The following TARBP1 variants were observed in gnomAD, a reference collection of about 807,000 sequenced individuals.
The protein encoded by TARBP1 is tRNA guanosine 2 -O-methyltransferase TARBP1.
Under a neutral mutation model 178.6 loss-of-function variants are expected in TARBP1, and 144 were observed. The ratio of observed to expected loss-of-function variants is 0.81; its 90% CI spans 0.70 to 0.93. The LOEUF is 0.93. TARBP1 is among the 40% of genes least tolerant of loss of function. The pLI is 0.00. For missense variants in TARBP1, 2,067 were observed against 2,011.7 expected, an observed-to-expected ratio of 1.03 and a Z score of -0.53; for synonymous variants, 787 against 781.0, an observed-to-expected ratio of 1.01 and a Z score of -0.13.
At chr1:234,462,237 G>A (rs190390080) in intron 6 of TARBP1, among the ~76,000 whole-genome samples, 2 of 152,300 alleles carry the variant, frequency 1.3e-5, no homozygotes, top group East Asian at 3.9e-4. Context: ...CCTGGTCCTG[G>A]ATCACAAACA....
At chr1:234,458,650 T>C (rs945132983) in intron 8 of TARBP1, among the ~76,000 whole-genome samples, 1 of 152,200 alleles carries the variant, frequency 6.6e-6, no homozygotes, top group Admixed American at 6.5e-5. Flanking sequence ...GTAAGCAATA[T>C]TTACTGAGGC....
chr1:234,405,637 A>C (rs1209120044), intron 24 of TARBP1, among the ~76,000 whole-genome samples: 1 of 152,252 alleles, frequency 6.6e-6, no homozygotes, highest in East Asian at 1.9e-4. Context: ...GAAGAGAAAC[A>C]GGTACAAGTA....
At position 234,471,154 on chromosome 1, in the gene TARBP1, T is replaced by C. The variant is rs760293620; in HGVS notation, c.1099+34A>G. On this transcript the variant is annotated intron_variant, in intron 3 of 29. Transcript: ENST00000040877. ...TACAAAATCAGGGGAAAACCATAAA[T>C]GTTATTAAAAAATAAAATAAAAGTA... 8.8e-6 allele frequency: 13 copies of C among 1,481,128 alleles called. No homozygotes were observed. The East Asian group carries it at 2.8e-4, about 32-fold the overall frequency. 91.7% of individuals were successfully genotyped at this position (1,481,128 alleles called of 1,614,324 possible). A position where few individuals can be genotyped will look rare whatever the true frequency, so the allele number is the denominator to read the frequency against.
intron 20 of TARBP1, among the ~76,000 whole-genome samples, chr1:234,423,267 C>G (rs770352193): frequency 2.0e-5 from 3 of 152,152 alleles, no homozygotes; most frequent in Non-Finnish European, 2.9e-5. Flanking sequence ...GATAGCCATC[C>G]CAGTGGGTAC....
In TARBP1 at chr1:234,410,480, G is replaced by C. The variant is rs754163310; in HGVS notation, c.3757C>G (p.His1253Asp). 3.0e-5 allele frequency: 45 copies of C among 1,524,200 alleles called. No individual in the cohort carries two copies. The highest frequency in any genetic ancestry group is 4.0e-5 in the Non-Finnish European group (45 of 1,111,132). The allele number at this position is 1,524,200 out of a possible 1,614,324, so 94.4% of individuals were successfully genotyped here. A position where few individuals can be genotyped will look rare whatever the true frequency, so the allele number is the denominator to read the frequency against. ...SICTFLAVLS[H>D]LDIITQNIPE... Reference sequence around the variant, plus strand: ...ATATTTTGAGTAATAATGTCTAAATGTGATAAAACTGCTAAAAACGTACAA... The same window carrying C: ...ATATTTTGAGTAATAATGTCTAAATCTGATAAAACTGCTAAAAACGTACAA... The change falls in exon 23 of 30, where the codon CAT becomes GAT. Residue 1253 changes from histidine (H) to aspartate (D), a missense_variant. Physicochemically the swap from His to Asp is moderately conservative, Grantham distance 81. Coordinates refer to ENST00000040877, the MANE Select transcript of TARBP1 (RefSeq NM_005646.4).
chr1:234,398,600 A>G, intron 25 of TARBP1, 47 bp from the exon 26 acceptor site: 1 of 1,355,580 alleles, frequency 7.4e-7, no homozygotes. Context: ...TAAGAATAAC[A>G]AAGAAATATA....
At chr1:234,450,004 T>C (rs1572355497) in intron 10 of TARBP1, among the ~76,000 whole-genome samples, 1 of 152,216 alleles carries the variant, frequency 6.6e-6, no homozygotes, top group African/African-American at 2.4e-5. Flanking sequence ...TGTTTAAAAT[T>C]GTTTTTCATA....
chr1:234,470,684 T>C (rs905193476), intron 3 of TARBP1, among the ~76,000 whole-genome samples: 2 of 150,978 alleles, frequency 1.3e-5, no homozygotes, highest in Non-Finnish European at 2.9e-5. Context: ...AGTGTGATCT[T>C]GGCTCACTGC....
intron 6 of TARBP1, among the ~76,000 whole-genome samples, chr1:234,463,264 C>T (rs1217118581): frequency 6.6e-6 from 1 of 152,108 alleles, no homozygotes; most frequent in African/African-American, 2.4e-5. Flanking sequence ...GCTGGGACTA[C>T]AGGTACACAC....
intron 11 of TARBP1, among the ~76,000 whole-genome samples, chr1:234,448,007 G>A (rs1303396721): frequency 2.0e-5 from 3 of 152,056 alleles, no homozygotes; most frequent in African/African-American, 2.4e-5. Flanking sequence ...TGGTGCAATC[G>A]TGGCTCACTG....
intron 23 of TARBP1, chr1:234,406,886 A>G (rs1049444115): frequency 2.0e-5 from 3 of 152,214 alleles, no homozygotes; most frequent in Admixed American, 6.5e-5. Context: ...TAAGGCTCAC[A>G]TGGAAATGCT....
intron 16 of TARBP1, 40 bp from the exon 17 acceptor site, chr1:234,429,364 T>G (rs1664145894): frequency 6.4e-7 from 1 of 1,567,882 alleles, no homozygotes; most frequent in Admixed American, 2.1e-5. Context: ...TTTCAAAAAC[T>G]TGATCGCCAC....
intron 13 of TARBP1, among the ~76,000 whole-genome samples, chr1:234,435,637 T>C (rs1457066588): frequency 6.6e-6 from 1 of 152,182 alleles, no homozygotes; most frequent in African/African-American, 2.4e-5. Flanking sequence ...CCAATTTCCT[T>C]ACTCTCTTGT....
intron 20 of TARBP1, among the ~76,000 whole-genome samples, chr1:234,424,621 T>G (rs1348726944): frequency 6.6e-6 from 1 of 152,188 alleles, no homozygotes; most frequent in Admixed American, 6.6e-5. Context: ...AATATATGAA[T>G]ATAGTACTCT....
chr1:234,396,896 G>A (rs1179171657), intron 26 of TARBP1, among the ~76,000 whole-genome samples: 1 of 152,030 alleles, frequency 6.6e-6, no homozygotes, highest in Non-Finnish European at 1.5e-5. Flanking sequence ...GACTCAGAAT[G>A]AGAAGGGTCA....
intron 20 of TARBP1, among the ~76,000 whole-genome samples, chr1:234,421,174 C>T (rs1047959572): frequency 9.9e-5 from 15 of 152,226 alleles, no homozygotes; most frequent in Admixed American, 5.9e-4. Flanking sequence ...CTGCAACCTC[C>T]GCCTCCCGGG....
intron 4 of TARBP1, 130 bp downstream of exon 4, chr1:234,467,372 C>G (rs1330683088): frequency 8.7e-6 from 8 of 924,850 alleles, no homozygotes; most frequent in Non-Finnish European, 1.2e-5. Context: ...AATAGGAAAG[C>G]TGGGTTTAGA....
chr1:234,410,423 A>T, intron 23 of TARBP1, 22 bp downstream of exon 23: 1 of 1,347,892 alleles, frequency 7.4e-7, no homozygotes. Context: ...AGTCAAGTTT[A>T]AATTCTTACA....
rs927288977 is a variant in TARBP1, at chr1:234,433,372, T to C, written c.2394+38A>G. The stretch of plus-strand genomic sequence containing the variant: ...GAATATGTATTCCCTGTATGCCTTA[T>C]TCAAGATAACTACAAACCTTGAATC... On this transcript the variant is annotated intron_variant, in intron 14 of 29. Transcript: ENST00000040877. The C allele has an allele frequency of 2.5e-6, 4 of 1,599,902 alleles. No homozygotes were observed. In the African/African-American group the frequency reaches 4.1e-5, roughly 16 times the overall value.
Sources: allele counts gnomAD v4.1 joint callset (sites outside exome capture counted in the v4.1 genomes callset), GRCh38; gene constraint gnomAD v4.1.1; transcripts MANE v1.5; gene names NCBI Gene and HGNC (gene_info 2026-07-23, HGNC 2026-07-21).